Variants in NDUFAF2 observed in about 807,000 individuals in gnomAD.
NDUFAF2 encodes the protein NADH dehydrogenase [ubiquinone] 1 alpha subcomplex assembly factor 2.
NDUFAF2 carries 13 observed loss-of-function variants against 22.8 expected under a neutral mutation model. The ratio of observed to expected loss-of-function variants is 0.57; its 90% CI spans 0.37 to 0.91. NDUFAF2 has a LOEUF of 0.91. Ranked by LOEUF, NDUFAF2 falls within the 40% of genes least tolerant of loss-of-function variation. The pLI, the probability that NDUFAF2 is intolerant of heterozygous loss-of-function variation, is 0.01. For missense variants in NDUFAF2, 162 were observed against 195.2 expected, an observed-to-expected ratio of 0.83 and a Z score of 1.01; for synonymous variants, 53 against 64.2, an observed-to-expected ratio of 0.83 and a Z score of 0.84.
chr5:61,033,410 A>T (rs989402718), intron 1 of NDUFAF2, among the ~76,000 whole-genome samples: 1 of 152,176 alleles, frequency 6.6e-6, no homozygotes, highest in African/African-American at 2.4e-5. Flanking sequence ...TGTTAAAGAC[A>T]TCATTTCAAG....
chr5:60,961,723 G>A (rs1750688851), intron 1 of NDUFAF2, among the ~76,000 whole-genome samples: 1 of 149,208 alleles, frequency 6.7e-6, no homozygotes, highest in African/African-American at 2.5e-5. Flanking sequence ...CCGAGATTGT[G>A]CCACCACACT....
rs376830843 is a variant in NDUFAF2 at position 60,959,673 on chromosome 5, A to G, written c.127+14291A>G. On this transcript the variant is annotated intron_variant, in intron 1 of 3. Coordinates refer to ENST00000296597, the MANE Select transcript of NDUFAF2 (RefSeq NM_174889.5). ...TAAAACATGCCTTCGGTTTAGTGAT[A>G]TCTATAAAAAGTTGAACTTACTTTA... Among the ~76,000 whole-genome samples the G allele has an allele frequency of 5.9e-5, 9 of 152,204 alleles. No homozygotes were observed. The South Asian group carries it at 1.9e-3, about 32-fold the overall frequency.
At chr5:61,133,268 G>GA (rs944555543) in intron 3 of NDUFAF2, among the ~76,000 whole-genome samples, 7 of 151,870 alleles carry the variant, frequency 4.6e-5, no homozygotes, top group Admixed American at 3.3e-4. Context: ...TTTCTTTGGG[G>GA]AAAAAAAAGT....
intron 1 of NDUFAF2, among the ~76,000 whole-genome samples, chr5:61,009,140 A>G (rs1440985895): frequency 1.3e-5 from 2 of 152,038 alleles, no homozygotes; most frequent in African/African-American, 4.8e-5. Context: ...ACATTCTGAT[A>G]TTTTCTACAT....
intron 3 of NDUFAF2, among the ~76,000 whole-genome samples, chr5:61,102,618 A>G (rs943202241): frequency 6.6e-6 from 1 of 152,170 alleles, no homozygotes; most frequent in Admixed American, 6.6e-5. Context: ...GACAGGAGAC[A>G]GAACAATCTG....
intron 1 of NDUFAF2, among the ~76,000 whole-genome samples, chr5:61,021,307 C>T (rs543273202): frequency 1.3e-5 from 2 of 151,192 alleles, no homozygotes; most frequent in East Asian, 4.0e-4. Context: ...CTAGAGCCTA[C>T]CTGCATTCCT....
chr5:61,056,797 G>A (rs191804020), intron 1 of NDUFAF2, among the ~76,000 whole-genome samples: 2,378 of 146,996 alleles, frequency 0.016, 29 homozygotes, highest in South Asian at 0.052. Flanking sequence ...GCTGAGGCAT[G>A]AGAATCGCTT....
chr5:61,115,628 A>G (rs1425871818), intron 3 of NDUFAF2: 1 of 152,150 alleles, frequency 6.6e-6, no homozygotes, highest in African/African-American at 2.4e-5. Context: ...TGGAAATCCT[A>G]AATTGGGAGA....
At chr5:61,038,648 A>G (rs987065203) in intron 1 of NDUFAF2, among the ~76,000 whole-genome samples, 3 of 152,182 alleles carry the variant, frequency 2.0e-5, no homozygotes, top group Non-Finnish European at 4.4e-5. Flanking sequence ...TTAGGGACCA[A>G]ATGCTTGCTT....
At chr5:61,030,722 T>C (rs1333796918) in intron 1 of NDUFAF2, among the ~76,000 whole-genome samples, 2 of 152,134 alleles carry the variant, frequency 1.3e-5, no homozygotes, top group Non-Finnish European at 2.9e-5. Context: ...GTAATGATTA[T>C]TTGTTTCTGG....
intron 3 of NDUFAF2, among the ~76,000 whole-genome samples, chr5:61,150,593 A>C (rs1191426109): frequency 6.6e-6 from 1 of 152,160 alleles, no homozygotes; most frequent in Non-Finnish European, 1.5e-5. Flanking sequence ...GCATGTACCA[A>C]CTGTAAGACT....
intron 1 of NDUFAF2, among the ~76,000 whole-genome samples, chr5:60,945,983 C>G (rs142812882): frequency 6.6e-6 from 1 of 152,134 alleles, no homozygotes; most frequent in Non-Finnish European, 1.5e-5. Context: ...CCACAAGGCT[C>G]GCTGATTCCT....
chr5:60,951,890 A>G (rs1750552371), intron 1 of NDUFAF2, among the ~76,000 whole-genome samples: 1 of 151,940 alleles, frequency 6.6e-6, no homozygotes, highest in Non-Finnish European at 1.5e-5. Flanking sequence ...CTACAAATTT[A>G]ATATCTTTGG....
rs1380198109 is a variant in NDUFAF2, at chr5:61,071,007, T to C, written c.128-2118T>C. ...GTATTTGACTAACACATTTTGAAAA[T>C]TGTCACATAAGCTTACTTTAATATA... On this transcript the variant is annotated intron_variant, in intron 1 of 3. Coordinates refer to ENST00000296597, the MANE Select transcript of NDUFAF2 (RefSeq NM_174889.5). Among the ~76,000 whole-genome samples, 11 of 152,244 alleles carry C rather than the reference T, an allele frequency of 7.2e-5. No homozygotes were observed. In the South Asian group the frequency reaches 1.7e-3, roughly 23 times the overall value.
chr5:60,976,443 C>T (rs568831228), intron 1 of NDUFAF2, among the ~76,000 whole-genome samples: 1 of 151,934 alleles, frequency 6.6e-6, no homozygotes, highest in East Asian at 1.9e-4. Context: ...TCTTTCTGTC[C>T]TCCGCACTTA....
intron 1 of NDUFAF2, among the ~76,000 whole-genome samples, chr5:60,947,439 G>T (rs1413396750): frequency 6.6e-6 from 1 of 151,940 alleles, no homozygotes; most frequent in Non-Finnish European, 1.5e-5. Flanking sequence ...CAGATCTTCG[G>T]TGAAGTATTG....
At chr5:61,064,571 C>T (rs911536938) in intron 1 of NDUFAF2, among the ~76,000 whole-genome samples, 2 of 151,956 alleles carry the variant, frequency 1.3e-5, no homozygotes, top group South Asian at 2.1e-4. Flanking sequence ...AAATCAGTAG[C>T]AGGAGGAACC....
chr5:61,136,028 TATATATATATATATCTAG>T (rs2111819806), intron 3 of NDUFAF2, among the ~76,000 whole-genome samples: 1 of 114,116 alleles, frequency 8.8e-6, no homozygotes, highest in African/African-American at 3.4e-5. Context: ...TATATATATA[TATATATATATATATCTAG>T]GGTGGATTGC....
At chr5:60,987,435 G>A (rs1399434642) in intron 1 of NDUFAF2, among the ~76,000 whole-genome samples, 1 of 152,128 alleles carries the variant, frequency 6.6e-6, no homozygotes, top group Non-Finnish European at 1.5e-5. Flanking sequence ...TATGAAACCA[G>A]TGTTATTCTG....
Sources: gnomAD v4.1 joint callset for allele counts (sites outside exome capture counted in the v4.1 genomes callset) on GRCh38, gnomAD v4.1.1 for gene constraint, MANE v1.5 for transcripts, NCBI Gene and HGNC (gene_info 2026-07-23, HGNC 2026-07-21) for gene names.